The following GRID1 variants were observed in gnomAD, a reference collection of about 807,000 sequenced individuals.
GRID1 encodes glutamate receptor ionotropic, delta-1.
GRID1 carries 28 observed loss-of-function variants against 98.0 expected under a neutral mutation model. The observed-to-expected ratio is 0.29, with a 90% CI of 0.21 to 0.39. The LOEUF (loss-of-function observed/expected upper bound fraction) is 0.39, where lower values mean the gene tolerates loss of function less well. Ranked by LOEUF, GRID1 falls within the 10% of genes least tolerant of loss-of-function variation. The pLI, the probability that GRID1 is intolerant of heterozygous loss-of-function variation, is 1.00. For missense variants in GRID1, 1,111 were observed against 1,340.5 expected (o/e 0.83, Z 2.67); for synonymous variants, 553 against 538.5 (o/e 1.03, Z -0.37).
chr10:86,147,286 A>G (rs1410810043), intron 3 of GRID1, among the ~76,000 whole-genome samples: 2 of 152,166 alleles, frequency 1.3e-5, no homozygotes, highest in African/African-American at 4.8e-5. Flanking sequence ...TGTATTAACC[A>G]TATCATTTTT....
At chr10:85,666,129 T>C (rs1297267007) in intron 12 of GRID1, among the ~76,000 whole-genome samples, 1 of 152,212 alleles carries the variant, frequency 6.6e-6, no homozygotes, top group African/African-American at 2.4e-5. Flanking sequence ...TGGAGGGAGC[T>C]AATATGAAAT....
chr10:86,032,688 G>A (rs953770398), intron 4 of GRID1, among the ~76,000 whole-genome samples: 10 of 151,964 alleles, frequency 6.6e-5, no homozygotes, highest in East Asian at 3.9e-4. Flanking sequence ...CAAACACTGC[G>A]GAAGGCCGCA....
intron 7 of GRID1, among the ~76,000 whole-genome samples, chr10:85,855,252 A>C (rs1334458460): frequency 6.6e-6 from 1 of 152,256 alleles, no homozygotes; most frequent in African/African-American, 2.4e-5. Context: ...TGTGGTCTCC[A>C]TGCCTCTCTC....
In GRID1 at chr10:85,599,798, A is replaced by ATATATATATATATATATAT. The variant is rs1444180852; in HGVS notation, c.*2474_*2475insATATATATATATATATATA. On this transcript the variant is annotated 3_prime_UTR_variant, in exon 16 of 16. Coordinates refer to ENST00000327946, the MANE Select transcript of GRID1 (RefSeq NM_017551.3). Reference sequence around the variant, plus strand: ...AAGGGTAGAAAATTCTAAAAAAAAAAAAAAATATATATATATATATATAAA... The same window carrying ATATATATATATATATATAT: ...AAGGGTAGAAAATTCTAAAAAAAAAATATATATATATATATATATAAAAATATATATATATATATATAAA... The ATATATATATATATATATAT allele has an allele frequency of 2.0e-5, 1 of 49,098 alleles. No individual in the cohort carries two copies. The highest frequency in any genetic ancestry group is 1.8e-4 in the Admixed American group (1 of 5,506). The allele number at this position is 49,098 out of a possible 1,614,324, so 3.0% of individuals were successfully genotyped here. A position where few individuals can be genotyped will look rare whatever the true frequency, so the allele number is the denominator to read the frequency against.
intron 2 of GRID1, among the ~76,000 whole-genome samples, chr10:86,296,628 G>A (rs1589440707): frequency 6.6e-6 from 1 of 152,038 alleles, no homozygotes; most frequent in East Asian, 1.9e-4. Context: ...AATCTCAGCT[G>A]CTTGGGAGGC....
In GRID1 at chr10:86,100,404, T is replaced by C. The variant is rs1193837546; in HGVS notation, c.726+38415A>G. On this transcript the variant is annotated intron_variant, in intron 4 of 15. Transcript: ENST00000327946. ...GCATTTTTCTTAGGTGCTGGAGATA[T>C]AGGATTAAAAAAAAAACAAATAAAT... Among the ~76,000 whole-genome samples the C allele has an allele frequency of 2.6e-5, 4 of 151,908 alleles. No homozygotes were observed. In the South Asian group the frequency reaches 6.2e-4, roughly 24 times the overall value.
At chr10:86,306,626 G>A (rs1847761981) in intron 2 of GRID1, among the ~76,000 whole-genome samples, 1 of 152,192 alleles carries the variant, frequency 6.6e-6, no homozygotes, top group Admixed American at 6.5e-5. Context: ...GGCTTCCAGA[G>A]GCCAGCAGTC....
At chr10:86,327,664 A>T (rs1046374316) in intron 2 of GRID1, among the ~76,000 whole-genome samples, 2 of 152,242 alleles carry the variant, frequency 1.3e-5, no homozygotes, top group African/African-American at 2.4e-5. Context: ...TGCATGTGTT[A>T]GGTAGAAGAG....
intron 3 of GRID1, among the ~76,000 whole-genome samples, chr10:86,182,510 C>T (rs946842226): frequency 2.6e-5 from 4 of 152,184 alleles, no homozygotes; most frequent in Non-Finnish European, 2.9e-5. Flanking sequence ...GTTCCATAAC[C>T]GACACACTAA....
chr10:85,930,910 T>C (rs912573914), intron 4 of GRID1, among the ~76,000 whole-genome samples: 1 of 152,168 alleles, frequency 6.6e-6, no homozygotes, highest in Non-Finnish European at 1.5e-5. Context: ...GGTGCGATCA[T>C]GACTCACTTC....
At chr10:86,121,502 TCACCATCATCATCAC>T (rs1844670708) in intron 4 of GRID1, among the ~76,000 whole-genome samples, 1 of 20,308 alleles carries the variant, frequency 4.9e-5, no homozygotes, top group East Asian at 1.5e-3. Flanking sequence ...ATCATCACCA[TCACCATCATCATCAC>T]TACCATCATC....
intron 4 of GRID1, among the ~76,000 whole-genome samples, chr10:85,945,208 C>T (rs1023210146): frequency 5.9e-5 from 9 of 152,004 alleles, no homozygotes; most frequent in African/African-American, 1.7e-4. Context: ...ATATATAATA[C>T]GAAAAGATCC....
chr10:85,651,170 C>G (rs116078527), intron 12 of GRID1, among the ~76,000 whole-genome samples: 2 of 152,324 alleles, frequency 1.3e-5, no homozygotes, highest in African/African-American at 4.8e-5. Flanking sequence ...ATAACTCATA[C>G]CCAACTCACA....
At chr10:86,111,638 C>T (rs1329593974) in intron 4 of GRID1, among the ~76,000 whole-genome samples, 1 of 152,178 alleles carries the variant, frequency 6.6e-6, no homozygotes, top group Non-Finnish European at 1.5e-5. Flanking sequence ...GGGGTTAACC[C>T]AAGCTACATT....
chr10:85,630,760 A>T (rs1564682637), intron 13 of GRID1, among the ~76,000 whole-genome samples: 1 of 152,178 alleles, frequency 6.6e-6, no homozygotes, highest in Non-Finnish European at 1.5e-5. Context: ...CCATCCCAAG[A>T]CCCACCAAAT....
At chr10:85,675,317 C>A (rs1223756188) in intron 12 of GRID1, among the ~76,000 whole-genome samples, 1 of 152,166 alleles carries the variant, frequency 6.6e-6, no homozygotes, top group Non-Finnish European at 1.5e-5. Flanking sequence ...CCCTTCTCCT[C>A]TCCTTTCTTT....
intron 8 of GRID1, among the ~76,000 whole-genome samples, chr10:85,846,427 G>A (rs1020782223): frequency 2.6e-5 from 4 of 152,080 alleles, no homozygotes; most frequent in Admixed American, 2.6e-4. Flanking sequence ...GTGGGCCTGC[G>A]GCACAAGAAT....
intron 8 of GRID1, among the ~76,000 whole-genome samples, chr10:85,747,881 CT>C (rs1842012114): frequency 6.6e-6 from 1 of 152,168 alleles, no homozygotes; most frequent in Non-Finnish European, 1.5e-5. Flanking sequence ...GTGAATAGTA[CT>C]TGCTTTCAGT....
chr10:86,108,902 T>C (rs1375129595), intron 4 of GRID1, among the ~76,000 whole-genome samples: 2 of 152,154 alleles, frequency 1.3e-5, no homozygotes, highest in African/African-American at 4.8e-5. Flanking sequence ...CGAGGTTGGC[T>C]ATCATAAGTG....
Sources: gnomAD v4.1 joint callset for allele counts (sites outside exome capture counted in the v4.1 genomes callset) on GRCh38, gnomAD v4.1.1 for gene constraint, MANE v1.5 for transcripts, NCBI Gene and HGNC (gene_info 2026-07-23, HGNC 2026-07-21) for gene names.